The following DROSHA variants were observed in gnomAD, a reference collection of about 807,000 sequenced individuals.
DROSHA encodes ribonuclease 3.
DROSHA carries 56 observed loss-of-function variants against 181.9 expected under a neutral mutation model. The ratio of observed to expected loss-of-function variants is 0.31; its 90% CI spans 0.25 to 0.38. The LOEUF is 0.38. DROSHA is among the 10% of genes least tolerant of loss of function. The pLI, the probability that DROSHA is intolerant of heterozygous loss-of-function variation, is 1.00. For synonymous variants in DROSHA, 524 were observed against 591.2 expected (o/e 0.89, Z 1.65); for missense variants, 1,218 against 1,743.5 (o/e 0.70, Z 5.37).
In DROSHA at chr5:31,508,744, A is replaced by C. The variant is rs774715215; in HGVS notation, c.1464T>G (p.Asp488Glu). The C allele has an allele frequency of 4.3e-6, 7 of 1,613,878 alleles. No individual in the cohort carries two copies. The South Asian group carries it at 7.7e-5, about 18-fold the overall frequency. The part of the protein sequence containing the change: ...ESSSESECES[D>E]EDSTCSSSSD... ...AGCTGCTAGAACAGGTGCTGTCCTC[A>C]TCAGACTCACACTCGGATTCACTGG... Residue 488 changes from aspartate (D) to glutamate (E), a missense_variant, in exon 10 of 36, where the codon GAT becomes GAG. Asp to Glu is a conservative substitution (Grantham distance 45). This residue lies in a region of DROSHA where 460 missense variants were observed against 774.2 expected (regional missense o/e 0.59). Coordinates refer to ENST00000344624, the MANE Select transcript of DROSHA (RefSeq NM_001382508.1).
At chr5:31,500,089 A>G (rs1186332100) in intron 11 of DROSHA, among the ~76,000 whole-genome samples, 5 of 152,166 alleles carry the variant, frequency 3.3e-5, no homozygotes, top group Non-Finnish European at 2.9e-5. Context: ...ATCCCTCCCA[A>G]TTAAGAGCAA....
At chr5:31,492,634 T>C (rs746603881) in intron 13 of DROSHA, among the ~76,000 whole-genome samples, 4 of 152,216 alleles carry the variant, frequency 2.6e-5, no homozygotes, top group Non-Finnish European at 5.9e-5. Flanking sequence ...TTCCTGGGAC[T>C]GTGAGCATGG....
At chr5:31,478,682 C>T (rs781288120) in intron 16 of DROSHA, among the ~76,000 whole-genome samples, 3 of 151,892 alleles carry the variant, frequency 2.0e-5, no homozygotes, top group Non-Finnish European at 4.4e-5. Context: ...TGCAGTGAGC[C>T]GAGATGGCAC....
intron 29 of DROSHA, among the ~76,000 whole-genome samples, chr5:31,422,259 G>C (rs962769301): frequency 4.0e-5 from 6 of 151,810 alleles, no homozygotes; most frequent in African/African-American, 1.2e-4. Flanking sequence ...GTAAAAAAAT[G>C]AACAAAAAAC....
At chr5:31,424,384 C>T (rs750928345) in intron 28 of DROSHA, 43 bp downstream of exon 28, 1 of 1,576,500 alleles carries the variant, frequency 6.3e-7, no homozygotes. Context: ...ACATGAATAG[C>T]TGGAGTTATA....
chr5:31,463,160 A>C (rs921271005), intron 20 of DROSHA, among the ~76,000 whole-genome samples: 2 of 152,172 alleles, frequency 1.3e-5, no homozygotes, highest in Admixed American at 1.3e-4. Flanking sequence ...CAGTCATAAG[A>C]TATTTGTCAA....
chr5:31,464,295 T>C lies in DROSHA; in HGVS notation c.2515A>G (p.Thr839Ala). The change falls in exon 20 of 36, where the codon ACG becomes GCG. Residue 839 changes from threonine (T) to alanine (A), a missense_variant. This residue lies in a region of DROSHA where 460 missense variants were observed against 774.2 expected (regional missense o/e 0.59). Coordinates refer to ENST00000344624, the MANE Select transcript of DROSHA (RefSeq NM_001382508.1). ...RQKNTMRREV[T>A]VELSSQGFWK... ...AATCCTTGGCTACTTAGCTCCACCG[T>C]TACTTCTCGTCTCATTGTATTCTTC... is the stretch of plus-strand genomic sequence containing the variant. The C allele has an allele frequency of 1.2e-6, 2 of 1,613,510 alleles. No homozygotes were observed. Among genetic ancestry groups the C allele is most frequent in the Non-Finnish European group, 1.7e-6 (2 of 1,179,654 alleles).
At chr5:31,456,596 TC>T (rs1747699142) in intron 20 of DROSHA, among the ~76,000 whole-genome samples, 2 of 151,860 alleles carry the variant, frequency 1.3e-5, no homozygotes. Context: ...ATACAAGCCT[TC>T]CCGAATACAA....
chr5:31,437,418 C>T (rs1030335239), intron 23 of DROSHA, 120 bp from the exon 24 acceptor site: 13 of 881,252 alleles, frequency 1.5e-5, no homozygotes, highest in South Asian at 1.2e-4. Context: ...ACCACCTTCC[C>T]TATTCCTCAT....
At chr5:31,423,832 A>T (rs1007826611) in intron 28 of DROSHA, among the ~76,000 whole-genome samples, 4 of 152,172 alleles carry the variant, frequency 2.6e-5, no homozygotes, top group African/African-American at 9.7e-5. Context: ...AAAGGCAAAG[A>T]ATAGTAAGAA....
At chr5:31,495,227 T>G in intron 12 of DROSHA, 59 bp downstream of exon 12, 1 of 1,516,518 alleles carries the variant, frequency 6.6e-7, no homozygotes, top group Non-Finnish European at 9.1e-7. Flanking sequence ...CTTTAGCCTA[T>G]TCACATTTTA....
intron 23 of DROSHA, among the ~76,000 whole-genome samples, chr5:31,445,621 A>G (rs1746153673): frequency 6.6e-6 from 1 of 152,144 alleles, no homozygotes; most frequent in Non-Finnish European, 1.5e-5. Context: ...AGTGGGAGGC[A>G]TCCCAGGAAA....
chr5:31,481,098 GTT>G lies in DROSHA; in HGVS notation c.2071+2454_2071+2455del, dbSNP rs150587149. ...AAAAAATGAAAATATATATCAAAATGTTTTTTTTTAATTCACCATTTTCTAAA... is the reference window on the plus strand; with the variant it reads ...AAAAAATGAAAATATATATCAAAATGTTTTTTTAATTCACCATTTTCTAAA... On this transcript the variant is annotated intron_variant, in intron 16 of 35. Coordinates refer to ENST00000344624, the MANE Select transcript of DROSHA (RefSeq NM_001382508.1). Among the ~76,000 whole-genome samples the G allele has an allele frequency of 2.6e-5, 4 of 151,080 alleles. No individual in the cohort carries two copies. In the East Asian group the frequency reaches 7.8e-4, roughly 29 times the overall value.
chr5:31,470,495 T>C lies in DROSHA; in HGVS notation c.2241+1568A>G, dbSNP rs1337671978. Among the ~76,000 whole-genome samples, 1 of 152,168 alleles carries C rather than the reference T, an allele frequency of 6.6e-6. No homozygotes were observed. On this transcript the variant is annotated intron_variant, in intron 17 of 35. Coordinates refer to ENST00000344624, the MANE Select transcript of DROSHA (RefSeq NM_001382508.1). This position sits in a 1 kb window ranked among gnomAD's most constrained non-coding sequence, Gnocchi z 4.0. ...ACTACTTTTGTGCCAGCCTAACATATAACTTCACTAGCACCTGGCTCATAT... is the reference window on the plus strand; with the variant it reads ...ACTACTTTTGTGCCAGCCTAACATACAACTTCACTAGCACCTGGCTCATAT...
chr5:31,455,127 A>G (rs1400428232), intron 20 of DROSHA, among the ~76,000 whole-genome samples: 1 of 152,040 alleles, frequency 6.6e-6, no homozygotes, highest in East Asian at 1.9e-4. Flanking sequence ...GAAACATAAA[A>G]GGAGATAAGC....
chr5:31,482,134 A>G (rs1751099559), intron 16 of DROSHA, among the ~76,000 whole-genome samples: 1 of 152,212 alleles, frequency 6.6e-6, no homozygotes, highest in South Asian at 2.1e-4. Flanking sequence ...CAGCACTGAA[A>G]TTCTTTAACT....
chr5:31,430,405 T>C (rs1744035627), intron 26 of DROSHA, among the ~76,000 whole-genome samples: 1 of 152,158 alleles, frequency 6.6e-6, no homozygotes, highest in Non-Finnish European at 1.5e-5. Flanking sequence ...TTTAGGCTCA[T>C]ATTAGTTGAT....
chr5:31,528,205 C>T (rs151155531), intron 4 of DROSHA, among the ~76,000 whole-genome samples: 1 of 152,170 alleles, frequency 6.6e-6, no homozygotes, highest in Non-Finnish European at 1.5e-5. Flanking sequence ...ACCTGCACTG[C>T]TTCAATTGAC....
intron 15 of DROSHA, 79 bp downstream of exon 15, chr5:31,484,802 C>A: frequency 3.8e-6 from 4 of 1,050,566 alleles, no homozygotes; most frequent in South Asian, 1.5e-5. Flanking sequence ...TATCTCCCTA[C>A]AACTTTTATA....
Sources: gnomAD v4.1 joint callset for allele counts (sites outside exome capture counted in the v4.1 genomes callset) on GRCh38, gnomAD v4.1.1 for gene constraint, gnomAD v4.1.1 regional missense constraint, Gnocchi (gnomAD v3.1) non-coding constraint, MANE v1.5 for transcripts, NCBI Gene and HGNC (gene_info 2026-07-23, HGNC 2026-07-21) for gene names.